Variants in IL1RAPL1 observed in about 807,000 individuals in gnomAD.
The protein encoded by IL1RAPL1 is interleukin-1 receptor accessory protein-like 1.
In IL1RAPL1, 3 loss-of-function variants were observed where a neutral mutation model predicts 48.4. The observed-to-expected ratio is 0.06, with a 90% confidence interval of 0.03 to 0.16. The LOEUF is 0.16. IL1RAPL1 is among the 10% of genes least tolerant of loss of function. IL1RAPL1 has a pLI of 1.00. For synonymous variants in IL1RAPL1, 185 were observed against 187.7 expected (o/e 0.99, Z 0.12); for missense variants, 349 against 530.6 (o/e 0.66, Z 3.36).
chrX:28,666,244 C>T (rs1443941524), intron 1 of IL1RAPL1, among the ~76,000 whole-genome samples: 1 of 111,962 alleles, frequency 8.9e-6, no homozygotes, highest in South Asian at 3.7e-4. Flanking sequence ...ATCCAAATAA[C>T]CCAACCCTTA....
At chrX:28,973,541 G>A (rs1242759134) in intron 2 of IL1RAPL1, among the ~76,000 whole-genome samples, 2 of 111,805 alleles carry the variant, frequency 1.8e-5, no homozygotes, top group Admixed American at 1.9e-4. Context: ...TTGGCCTTAG[G>A]TAGGATAGAT....
intron 2 of IL1RAPL1, among the ~76,000 whole-genome samples, chrX:28,837,829 A>T (rs759526560): frequency 9.4e-6 from 1 of 106,282 alleles, no homozygotes; most frequent in Non-Finnish European, 1.9e-5. Context: ...TCACCCACAT[A>T]GCAATACCAC....
intron 1 of IL1RAPL1, 56 bp from the exon 2 acceptor site, chrX:28,789,264 A>G: frequency 1.5e-6 from 1 of 646,854 alleles, no homozygotes; most frequent in Admixed American, 2.4e-5. Flanking sequence ...CTCTAATAAT[A>G]TTGCTATCTA....
intron 2 of IL1RAPL1, among the ~76,000 whole-genome samples, chrX:28,872,306 A>G (rs1922228566): frequency 8.9e-6 from 1 of 111,899 alleles, no homozygotes; most frequent in Admixed American, 9.5e-5. Flanking sequence ...GGCATGATCC[A>G]CTGCACCCAG....
At chrX:29,152,329 A>G (rs1442139041) in intron 2 of IL1RAPL1, among the ~76,000 whole-genome samples, 1 of 111,762 alleles carries the variant, frequency 8.9e-6, no homozygotes, top group African/African-American at 3.3e-5. Context: ...AACCATATCA[A>G]CATCTTTGCT....
intron 2 of IL1RAPL1, among the ~76,000 whole-genome samples, chrX:28,991,229 A>G (rs1405763513): frequency 8.9e-6 from 1 of 112,016 alleles, no homozygotes; most frequent in East Asian, 2.8e-4. Context: ...CAAAATATTC[A>G]TACTTTTAAA....
intron 6 of IL1RAPL1, among the ~76,000 whole-genome samples, chrX:29,848,448 A>C (rs185691975): frequency 5.4e-5 from 6 of 111,046 alleles, no homozygotes; most frequent in African/African-American, 9.8e-5. Context: ...AAAAAAAAAA[A>C]AACATCCTAT....
At chrX:29,500,928 T>G (rs1244918389) in intron 5 of IL1RAPL1, among the ~76,000 whole-genome samples, 1 of 111,900 alleles carries the variant, frequency 8.9e-6, no homozygotes, top group Non-Finnish European at 1.9e-5. Flanking sequence ...TAACTTACAT[T>G]CCCACCTTCC....
At chrX:29,661,064 C>T (rs1200701310) in intron 5 of IL1RAPL1, among the ~76,000 whole-genome samples, 1 of 111,670 alleles carries the variant, frequency 9.0e-6, no homozygotes, top group Admixed American at 9.5e-5. Flanking sequence ...CTTGGTTAAA[C>T]TTATTCATAG....
intron 9 of IL1RAPL1, among the ~76,000 whole-genome samples, chrX:29,954,044 T>C (rs1933366214): frequency 9.1e-6 from 1 of 109,541 alleles, no homozygotes; most frequent in Non-Finnish European, 1.9e-5. Context: ...AAGACCAGCC[T>C]GGCCAACATG....
At chrX:29,531,088 A>G (rs1921024504) in intron 5 of IL1RAPL1, among the ~76,000 whole-genome samples, 1 of 111,798 alleles carries the variant, frequency 8.9e-6, no homozygotes, top group Admixed American at 9.5e-5. Flanking sequence ...TCAGTCTGTT[A>G]GAGATGATTG....
chrX:29,924,137 C>T (rs1203807219), intron 8 of IL1RAPL1, among the ~76,000 whole-genome samples: 2 of 111,891 alleles, frequency 1.8e-5, no homozygotes, highest in Non-Finnish European at 3.8e-5. Flanking sequence ...TCAATGAACT[C>T]GTATGTGTAA....
intron 1 of IL1RAPL1, among the ~76,000 whole-genome samples, chrX:28,721,536 C>T (rs1935580104): frequency 9.0e-6 from 1 of 111,090 alleles, no homozygotes; most frequent in South Asian, 3.8e-4. Flanking sequence ...TTCTCCCATT[C>T]TATAGGTTGC....
chrX:29,329,061 T>C (rs1932863473), intron 3 of IL1RAPL1, among the ~76,000 whole-genome samples: 1 of 111,399 alleles, frequency 9.0e-6, no homozygotes, highest in Non-Finnish European at 1.9e-5. Flanking sequence ...TATTTATAGA[T>C]CTTACATTAT....
chrX:28,988,010 C>A (rs1279964501), intron 2 of IL1RAPL1, among the ~76,000 whole-genome samples: 4 of 111,699 alleles, frequency 3.6e-5, no homozygotes, highest in African/African-American at 1.3e-4. Flanking sequence ...ATGCAAATGC[C>A]CCTGTTACTC....
intron 2 of IL1RAPL1, among the ~76,000 whole-genome samples, chrX:29,228,281 A>G (rs5943621): frequency 0.42 from 40,847 of 96,927 alleles, 9,267 homozygotes; most frequent in Non-Finnish European, 0.62. Context: ...TTTTCTTCAT[A>G]GTTTTGTCAC....
At chrX:29,506,530 G>C (rs1602269335) in intron 5 of IL1RAPL1, among the ~76,000 whole-genome samples, 1 of 106,192 alleles carries the variant, frequency 9.4e-6, no homozygotes, top group East Asian at 3.0e-4. Flanking sequence ...AGCACCAGGT[G>C]GTTCCTTAAG....
At chrX:28,955,655 C>A (rs775578856) in intron 2 of IL1RAPL1, among the ~76,000 whole-genome samples, 1 of 107,927 alleles carries the variant, frequency 9.3e-6, no homozygotes, top group Non-Finnish European at 1.9e-5. Flanking sequence ...GTTTTGGTAC[C>A]AGTAACATGC....
intron 8 of IL1RAPL1, among the ~76,000 whole-genome samples, chrX:29,926,391 TGATCATTCATGTG>T (rs1932891713): frequency 8.9e-6 from 1 of 112,124 alleles, no homozygotes; most frequent in Admixed American, 9.4e-5. Context: ...TCATGCCTGT[TGATCATTCATGTG>T]GGCCAAAGCT....
Sources: allele counts gnomAD v4.1 joint callset (sites outside exome capture counted in the v4.1 genomes callset), GRCh38; gene constraint gnomAD v4.1.1; transcripts MANE v1.5; gene names NCBI Gene and HGNC (gene_info 2026-07-23, HGNC 2026-07-21).